ARHGAP6: variants seen among roughly 807,000 people sequenced by gnomAD.
The protein encoded by ARHGAP6 is Rho GTPase activating protein 6.
ARHGAP6 carries 16 observed loss-of-function variants against 55.7 expected under a neutral mutation model. That is an observed-to-expected ratio of 0.29 (90% CI 0.19 to 0.44). ARHGAP6 has a LOEUF of 0.44. Among genes scored for constraint, ARHGAP6 ranks in the 20% least tolerant of loss-of-function variants. The pLI is 1.00. For missense variants in ARHGAP6, 698 were observed against 808.9 expected (o/e 0.86, Z 1.66); for synonymous variants, 382 against 360.9 (o/e 1.06, Z -0.66).
chrX:11,649,135 ACT>A (rs1265269435), intron 1 of ARHGAP6, among the ~76,000 whole-genome samples: 1 of 111,508 alleles, frequency 9.0e-6, no homozygotes, highest in Non-Finnish European at 1.9e-5. Flanking sequence ...CCTGTGACTC[ACT>A]CTGATCAAAT....
chrX:11,429,894 C>A (rs1292227594), intron 1 of ARHGAP6, among the ~76,000 whole-genome samples: 1 of 112,103 alleles, frequency 8.9e-6, no homozygotes, highest in Non-Finnish European at 1.9e-5. Context: ...GCCAGGGCAG[C>A]CTGATGGGGG....
intron 1 of ARHGAP6, among the ~76,000 whole-genome samples, chrX:11,315,413 G>A (rs954301294): frequency 8.9e-6 from 1 of 112,110 alleles, no homozygotes; most frequent in Non-Finnish European, 1.9e-5. Flanking sequence ...TCTGACGGGC[G>A]GCGGAGCACA....
chrX:11,362,926 T>C (rs1259821181), intron 1 of ARHGAP6, among the ~76,000 whole-genome samples: 1 of 111,963 alleles, frequency 8.9e-6, no homozygotes, highest in African/African-American at 3.2e-5. Context: ...AAACACAGAA[T>C]GTTTTTTCTA....
At chrX:11,571,070 T>C (rs762292494) in intron 1 of ARHGAP6, among the ~76,000 whole-genome samples, 1 of 111,661 alleles carries the variant, frequency 9.0e-6, no homozygotes, top group African/African-American at 3.3e-5. Flanking sequence ...CACCAGAAAA[T>C]GACACTGCTA....
intron 1 of ARHGAP6, among the ~76,000 whole-genome samples, chrX:11,651,635 T>G (rs1371289215): frequency 8.9e-6 from 1 of 111,883 alleles, no homozygotes; most frequent in Non-Finnish European, 1.9e-5. Context: ...GAAAGACTTA[T>G]ACTCCTTTGG....
At chrX:11,441,452 C>G (rs2050038118) in intron 1 of ARHGAP6, among the ~76,000 whole-genome samples, 2 of 111,763 alleles carry the variant, frequency 1.8e-5, no homozygotes, top group Admixed American at 9.5e-5. Flanking sequence ...AGACAAGACT[C>G]TCCAAACGTT....
chrX:11,168,919 A>G (rs764142116), intron 9 of ARHGAP6, among the ~76,000 whole-genome samples: 1 of 112,340 alleles, frequency 8.9e-6, no homozygotes, highest in South Asian at 3.7e-4. Flanking sequence ...TACAGAGGAT[A>G]TGGAGAGGAG....
At chrX:11,184,976 C>T (rs979042424) in intron 5 of ARHGAP6, among the ~76,000 whole-genome samples, 1 of 112,117 alleles carries the variant, frequency 8.9e-6, no homozygotes, top group African/African-American at 3.2e-5. Flanking sequence ...CAAACCTGTA[C>T]AGCATGCGAC....
intron 1 of ARHGAP6, among the ~76,000 whole-genome samples, chrX:11,532,260 A>G (rs754127107): frequency 8.9e-6 from 1 of 112,845 alleles, no homozygotes; most frequent in Non-Finnish European, 1.9e-5. Flanking sequence ...GGATATGTTC[A>G]CGAACATGTG....
chrX:11,156,529 G>C lies in ARHGAP6; in HGVS notation c.1907C>G (p.Ser636Ter). 1 of 1,199,532 alleles carries C rather than the reference G, an allele frequency of 8.3e-7. No homozygotes were observed. Among genetic ancestry groups the C allele is most frequent in the Non-Finnish European group, 1.1e-6 (1 of 884,983 alleles). ...YLLRRKASQS[S>*]SPDMLQSEVS... is the part of the protein sequence containing the mutation. ...GAAGATGGAACACTGGAATACTCAC[G>C]ATGATTGGGAAGCCTTTCTTCTGAG... is the stretch of plus-strand genomic sequence containing the variant. The change falls in exon 10 of 13, where the codon TCA becomes TGA. Residue 636 changes from serine (S) to a stop codon, truncating the protein, a stop_gained and splice_region_variant. Transcript: ENST00000337414. LOFTEE classifies it high-confidence loss of function.
At chrX:11,361,978 T>C (rs1383963998) in intron 1 of ARHGAP6, among the ~76,000 whole-genome samples, 2 of 111,707 alleles carry the variant, frequency 1.8e-5, no homozygotes, top group Non-Finnish European at 3.8e-5. Context: ...CCAGTTACAA[T>C]GGCAATCATT....
At chrX:11,629,994 C>T (rs1006058330) in intron 1 of ARHGAP6, among the ~76,000 whole-genome samples, 4 of 106,791 alleles carry the variant, frequency 3.7e-5, no homozygotes, top group Admixed American at 9.9e-5. Flanking sequence ...TGAAAAGAAT[C>T]GAAGCTCCCC....
chrX:11,378,242 T>A (rs192304589), intron 1 of ARHGAP6, among the ~76,000 whole-genome samples: 236 of 112,640 alleles, frequency 2.1e-3, no homozygotes, highest in Non-Finnish European at 3.3e-3. Flanking sequence ...ATATTTCACA[T>A]ATCATAAAAT....
At position 11,188,725 on chromosome X, in the gene ARHGAP6, C is replaced by A; in HGVS notation, c.1077+3G>T. ...GTGTCAGAGCAAATACTGGCCACCT[C>A]ACCCTCCTCCTAGCCCGAGGAGCCG... On this transcript the variant is annotated splice_donor_region_variant and intron_variant, in intron 4 of 12. Transcript: ENST00000337414. 8.3e-7 allele frequency: 1 copy of A among 1,208,041 alleles called. No homozygotes were observed. Among genetic ancestry groups the A allele is most frequent in the Non-Finnish European group, 1.1e-6 (1 of 893,503 alleles).
At chrX:11,148,110 T>G (rs1026687717) in intron 10 of ARHGAP6, among the ~76,000 whole-genome samples, 1 of 111,738 alleles carries the variant, frequency 8.9e-6, no homozygotes, top group African/African-American at 3.3e-5. Flanking sequence ...CAGTGTCAAA[T>G]CTAGAAAACC....
chrX:11,213,720 G>A (rs2046838828), intron 2 of ARHGAP6, among the ~76,000 whole-genome samples: 2 of 111,668 alleles, frequency 1.8e-5, no homozygotes, highest in Non-Finnish European at 3.8e-5. Context: ...CATAGAGAGT[G>A]GAAAGATAGA....
At chrX:11,661,805 A>C (rs1174642974) in intron 1 of ARHGAP6, among the ~76,000 whole-genome samples, 1 of 111,999 alleles carries the variant, frequency 8.9e-6, no homozygotes, top group Non-Finnish European at 1.9e-5. Context: ...ACTATGGGCA[A>C]CCTCACTAAC....
At chrX:11,625,896 G>A (rs1018233296) in intron 1 of ARHGAP6, among the ~76,000 whole-genome samples, 4 of 111,670 alleles carry the variant, frequency 3.6e-5, no homozygotes, top group Admixed American at 9.5e-5. Flanking sequence ...TTTGTACTAA[G>A]TGTATGCCAA....
intron 1 of ARHGAP6, among the ~76,000 whole-genome samples, chrX:11,356,061 T>C (rs2048926777): frequency 9.0e-6 from 1 of 111,654 alleles, no homozygotes; most frequent in Non-Finnish European, 1.9e-5. Context: ...TTTTTCACAG[T>C]CCTCATGACA....
Sources: allele counts gnomAD v4.1 joint callset (sites outside exome capture counted in the v4.1 genomes callset), GRCh38; gene constraint gnomAD v4.1.1; transcripts MANE v1.5; gene names NCBI Gene and HGNC (gene_info 2026-07-23, HGNC 2026-07-21).